FNDC3A: variants seen among roughly 807,000 people sequenced by gnomAD.
FNDC3A encodes fibronectin type-III domain-containing protein 3A.
In FNDC3A, 32 loss-of-function variants were observed where a neutral mutation model predicts 148.9. The observed-to-expected ratio is 0.21, with a 90% CI of 0.16 to 0.29. The LOEUF is 0.29. Ranked by LOEUF, FNDC3A falls within the 10% of genes least tolerant of loss-of-function variation. FNDC3A has a pLI of 1.00. For synonymous variants in FNDC3A, 472 were observed against 473.6 expected, an observed-to-expected ratio of 1.00 and a Z score of 0.04; for missense variants, 1,191 against 1,452.8, an observed-to-expected ratio of 0.82 and a Z score of 2.93.
chr13:49,131,342 A>C lies in FNDC3A; in HGVS notation c.458A>C (p.Gln153Pro), dbSNP rs777722532. ...AGDMTTQYMP[Q>P]YQSSQVYGDV... Reference sequence around the variant, plus strand: ...GACATGACAACACAGTATATGCCACAGTATCAGTCTTCACAAGTCTATGGA... The same window carrying C: ...GACATGACAACACAGTATATGCCACCGTATCAGTCTTCACAAGTCTATGGA... Residue 153 changes from glutamine (Q) to proline (P), a missense_variant, in exon 5 of 26, where the codon CAG (glutamine) becomes CCG (proline). Gln to Pro is a moderately conservative substitution (Grantham distance 76). Coordinates refer to ENST00000492622, the MANE Select transcript of FNDC3A (RefSeq NM_001079673.2). 1.9e-6 allele frequency: 3 copies of C among 1,613,632 alleles called. No individual in the cohort carries two copies. The South Asian group carries it at 3.3e-5, about 18-fold the overall frequency.
chr13:49,146,582 T>G (rs888784561), intron 8 of FNDC3A: 2 of 151,994 alleles, frequency 1.3e-5, no homozygotes, highest in African/African-American at 4.8e-5. Flanking sequence ...ACTAAAAATA[T>G]AAAAATTAGC....
chr13:49,186,729 A>G (rs1430639130), intron 15 of FNDC3A, among the ~76,000 whole-genome samples: 2 of 152,292 alleles, frequency 1.3e-5, no homozygotes, highest in East Asian at 1.9e-4. Flanking sequence ...TTAGCTGGGC[A>G]TGGTGGCACA....
chr13:48,976,384 G>A (rs1951598423), intron 1 of FNDC3A, among the ~76,000 whole-genome samples: 1 of 152,202 alleles, frequency 6.6e-6, no homozygotes, highest in Non-Finnish European at 1.5e-5. Flanking sequence ...GTGGGGCCGG[G>A]GACAGGACCG....
chr13:49,155,481 C>G (rs1436809665), intron 8 of FNDC3A, among the ~76,000 whole-genome samples: 1 of 146,212 alleles, frequency 6.8e-6, no homozygotes, highest in Non-Finnish European at 1.5e-5. Flanking sequence ...CTCCTGGATT[C>G]ATTAATTTTT....
chr13:49,065,898 G>A (rs539401094), intron 2 of FNDC3A, among the ~76,000 whole-genome samples: 9 of 152,062 alleles, frequency 5.9e-5, no homozygotes, highest in Non-Finnish European at 1.2e-4. Flanking sequence ...TAAAATTAGA[G>A]TACAAGGCCA....
At chr13:49,045,561 A>G (rs1414519251) in intron 2 of FNDC3A, 1 of 336,946 alleles carries the variant, frequency 3.0e-6, no homozygotes, top group Admixed American at 4.3e-5. Context: ...CCTCAGTTTG[A>G]ACAAGTAATA....
intron 2 of FNDC3A, among the ~76,000 whole-genome samples, chr13:49,075,081 T>C (rs1878004837): frequency 6.6e-6 from 1 of 152,200 alleles, no homozygotes; most frequent in Non-Finnish European, 1.5e-5. Flanking sequence ...TTTCTTCTTT[T>C]TTTTATTCCC....
At chr13:49,052,261 T>G (rs903513358) in intron 2 of FNDC3A, among the ~76,000 whole-genome samples, 1 of 152,210 alleles carries the variant, frequency 6.6e-6, no homozygotes, top group African/African-American at 2.4e-5. Context: ...GAATCTTGTT[T>G]TGTCATGTTA....
intron 7 of FNDC3A, among the ~76,000 whole-genome samples, chr13:49,141,237 T>C (rs1350079812): frequency 6.6e-6 from 1 of 152,236 alleles, no homozygotes; most frequent in Admixed American, 6.5e-5. Context: ...TAATTAACTA[T>C]ATTGAAAGTG....
chr13:49,113,319 C>T (rs111970183), intron 3 of FNDC3A, among the ~76,000 whole-genome samples: 2 of 151,086 alleles, frequency 1.3e-5, no homozygotes, highest in Non-Finnish European at 2.9e-5. Flanking sequence ...TCCGTCACCC[C>T]GTTTAGTAGT....
chr13:48,979,356 T>G (rs986221003), intron 1 of FNDC3A, among the ~76,000 whole-genome samples: 1 of 152,112 alleles, frequency 6.6e-6, no homozygotes, highest in Admixed American at 6.5e-5. Context: ...TAAAGGGAAG[T>G]GAAGCCAGTG....
rs1882353954 is a variant in FNDC3A, at chr13:49,136,332, A to T, written c.491A>T (p.Asp164Val). The T allele has an allele frequency of 6.8e-6, 11 of 1,611,948 alleles. No homozygotes were observed. The highest frequency in any genetic ancestry group is 1.7e-4 in the Middle Eastern group (1 of 6,052). Residue 164 changes from aspartate (D) to valine (V), a missense_variant and splice_region_variant, in exon 6 of 26, where the codon GAT becomes GTT. Asp to Val is a radical substitution (Grantham distance 152). This residue lies in a region of FNDC3A where 426 missense variants were observed against 473.2 expected (regional missense o/e 0.90). Coordinates refer to ENST00000492622, the MANE Select transcript of FNDC3A (RefSeq NM_001079673.2). Reference protein sequence around the residue: ...YQSSQVYGDVDAHSTHGRSNF... With the variant: ...YQSSQVYGDVVAHSTHGRSNF... The stretch of plus-strand genomic sequence containing the variant: ...ACATTTTGTTTTTATTGCCTCCTAG[A>T]TGCTCACTCTACACATGGAAGGTCC...
intron 3 of FNDC3A, among the ~76,000 whole-genome samples, chr13:49,107,813 C>T (rs1387178066): frequency 6.6e-6 from 1 of 152,146 alleles, no homozygotes; most frequent in Non-Finnish European, 1.5e-5. Context: ...CTGAGCAGTG[C>T]TGACAGCTGA....
chr13:49,135,301 CTTG>C (rs758564214), intron 5 of FNDC3A, among the ~76,000 whole-genome samples: 1 of 151,984 alleles, frequency 6.6e-6, no homozygotes, highest in African/African-American at 2.4e-5. Flanking sequence ...GATTTCCTCC[CTTG>C]TTGTTTTTTC....
chr13:48,991,915 T>C (rs1951926977), intron 1 of FNDC3A, among the ~76,000 whole-genome samples: 1 of 152,206 alleles, frequency 6.6e-6, no homozygotes, highest in African/African-American at 2.4e-5. Flanking sequence ...ATCATATGGT[T>C]GATGAACAAA....
At chr13:48,989,598 A>G (rs1421488281) in intron 1 of FNDC3A, among the ~76,000 whole-genome samples, 1 of 152,238 alleles carries the variant, frequency 6.6e-6, no homozygotes, top group Non-Finnish European at 1.5e-5. Flanking sequence ...GCACAGAAGA[A>G]AATAGAATTT....
chr13:49,013,192 G>T lies in FNDC3A; in HGVS notation c.99+6903G>T, dbSNP rs1295151078. The stretch of plus-strand genomic sequence containing the variant: ...TAGCCAGGTGTGGTGGCACACACCT[G>T]TAGTACCAGCTACTCAGGAGGCTGA... On this transcript the variant is annotated intron_variant, in intron 2 of 25. Transcript: ENST00000492622. Among the ~76,000 whole-genome samples the T allele has an allele frequency of 2.0e-5, 3 of 152,152 alleles. No individual in the cohort carries two copies. In the South Asian group the frequency reaches 6.2e-4, roughly 32 times the overall value.
intron 10 of FNDC3A, among the ~76,000 whole-genome samples, chr13:49,169,462 G>T (rs1450182826): frequency 6.6e-6 from 1 of 152,156 alleles, no homozygotes; most frequent in Non-Finnish European, 1.5e-5. Context: ...CCTAGAGGAA[G>T]AGAACAATTC....
At chr13:49,163,754 G>A (rs1051643866) in intron 8 of FNDC3A, among the ~76,000 whole-genome samples, 5 of 152,218 alleles carry the variant, frequency 3.3e-5, no homozygotes, top group African/African-American at 9.6e-5. Flanking sequence ...GTTCCTATTC[G>A]GCCATCTTGG....
Sources: allele counts gnomAD v4.1 joint callset (sites outside exome capture counted in the v4.1 genomes callset), GRCh38; gene constraint gnomAD v4.1.1; regional missense constraint gnomAD v4.1.1; transcripts MANE v1.5; gene names NCBI Gene and HGNC (gene_info 2026-07-23, HGNC 2026-07-21).